The following LIMK2 variants were observed in gnomAD, a reference collection of about 807,000 sequenced individuals.
LIMK2 encodes LIM domain kinase 2.
In LIMK2, 35 loss-of-function variants were observed where a neutral mutation model predicts 75.7. The ratio of observed to expected loss-of-function variants is 0.46; its 90% CI spans 0.35 to 0.61. The LOEUF is 0.61. LIMK2 is among the 20% of genes least tolerant of loss of function. The probability of loss-of-function intolerance (pLI) is 0.00; values close to 1 mark genes in which losing one functional copy is unlikely to be tolerated. For synonymous variants in LIMK2, 301 were observed against 319.2 expected, an observed-to-expected ratio of 0.94 and a Z score of 0.61; for missense variants, 623 against 831.0, an observed-to-expected ratio of 0.75 and a Z score of 3.08.
intron 2 of LIMK2, among the ~76,000 whole-genome samples, chr22:31,239,161 G>A (rs764418076): frequency 9.2e-5 from 14 of 152,340 alleles, no homozygotes; most frequent in East Asian, 1.9e-4. Context: ...GCATATACAC[G>A]GCCAACTGTA....
chr22:31,225,850 G>A, intron 2 of LIMK2, 31 bp downstream of exon 2: 3 of 1,473,064 alleles, frequency 2.0e-6, no homozygotes, highest in Non-Finnish European at 2.8e-6. Context: ...ATCTTTACCA[G>A]TGTACTATGG....
chr22:31,236,343 T>G (rs893960895), intron 2 of LIMK2, among the ~76,000 whole-genome samples: 3 of 145,846 alleles, frequency 2.1e-5, no homozygotes, highest in African/African-American at 7.6e-5. Flanking sequence ...GTGCAGGGCT[T>G]ACACTTATAA....
chr22:31,222,372 CTTTTTTTT>C (rs3068235), intron 1 of LIMK2, among the ~76,000 whole-genome samples: 2 of 55,198 alleles, frequency 3.6e-5, no homozygotes, highest in South Asian at 8.7e-4. Context: ...TGCCCAGCCT[CTTTTTTTT>C]TTTTTTTTTT....
At chr22:31,259,837 G>T in intron 4 of LIMK2, 52 bp from the exon 5 acceptor site, 1 of 1,515,046 alleles carries the variant, frequency 6.6e-7, no homozygotes, top group Non-Finnish European at 8.9e-7. Flanking sequence ...GTTGCTGGGG[G>T]GCTTCTGTGT....
At chr22:31,277,880 G>T (rs981430725) in intron 15 of LIMK2, among the ~76,000 whole-genome samples, 3 of 152,188 alleles carry the variant, frequency 2.0e-5, no homozygotes, top group African/African-American at 7.2e-5. Context: ...GGTCGTCAGA[G>T]CAGGCCTCAC....
intron 5 of LIMK2, among the ~76,000 whole-genome samples, chr22:31,261,213 C>T (rs1420222041): frequency 3.9e-5 from 6 of 152,036 alleles, no homozygotes; most frequent in Non-Finnish European, 7.4e-5. Flanking sequence ...GTAATGCCAG[C>T]ACTTTGGGAG....
intron 7 of LIMK2, among the ~76,000 whole-genome samples, chr22:31,263,186 T>TG (rs1343983790): frequency 3.3e-5 from 5 of 151,914 alleles, no homozygotes; most frequent in African/African-American, 1.2e-4. Flanking sequence ...TGAATGAACG[T>TG]TTTTTTTAGA....
intron 15 of LIMK2, among the ~76,000 whole-genome samples, chr22:31,276,468 C>T (rs1402192990): frequency 6.9e-6 from 1 of 144,986 alleles, no homozygotes; most frequent in African/African-American, 2.5e-5. Context: ...GCGGCAGCCC[C>T]GGCGGCGGCC....
chr22:31,279,270 T>C lies in LIMK2; in HGVS notation c.*829T>C, dbSNP rs2049062730. 1 of 152,274 alleles carries C rather than the reference T, an allele frequency of 6.6e-6. No individual in the cohort carries two copies. Among genetic ancestry groups the C allele is most frequent in the Non-Finnish European group, 1.5e-5 (1 of 68,070 alleles). 9.4% of individuals were successfully genotyped at this position (152,274 alleles called of 1,614,324 possible). ...CTCAGATCTTGGCTTCTGTTACTCA[T>C]ACTCGGGTGGGCTCCTTAGTCAGAT... is the stretch of plus-strand genomic sequence containing the variant. On this transcript the variant is annotated 3_prime_UTR_variant, in exon 16 of 16. Coordinates refer to ENST00000331728, the MANE Select transcript of LIMK2 (RefSeq NM_005569.4).
chr22:31,234,665 G>A (rs531049980), intron 2 of LIMK2, among the ~76,000 whole-genome samples: 1 of 144,260 alleles, frequency 6.9e-6, no homozygotes, highest in South Asian at 2.2e-4. Context: ...AGGTTGCAGT[G>A]AGCCCAGATC....
chr22:31,252,522 C>T (rs2123821958), intron 2 of LIMK2, among the ~76,000 whole-genome samples: 1 of 143,090 alleles, frequency 7.0e-6, no homozygotes, highest in South Asian at 2.2e-4. Context: ...GCCTGGGTGA[C>T]AGAGTAAGAC....
chr22:31,230,946 C>T (rs976395782), intron 2 of LIMK2, among the ~76,000 whole-genome samples: 2 of 152,164 alleles, frequency 1.3e-5, no homozygotes, highest in African/African-American at 2.4e-5. Flanking sequence ...CCTGAGCATA[C>T]GACATGCATA....
intron 7 of LIMK2, among the ~76,000 whole-genome samples, chr22:31,265,731 C>G (rs142914960): frequency 6.6e-6 from 1 of 152,216 alleles, no homozygotes; most frequent in African/African-American, 2.4e-5. Flanking sequence ...ATGCAGAGTT[C>G]CCATTTTGAA....
chr22:31,259,837 G>A (rs2048819756), intron 4 of LIMK2, 52 bp from the exon 5 acceptor site: 7 of 1,515,046 alleles, frequency 4.6e-6, no homozygotes, highest in Non-Finnish European at 6.2e-6. Context: ...GTTGCTGGGG[G>A]GCTTCTGTGT....
intron 5 of LIMK2, among the ~76,000 whole-genome samples, chr22:31,260,387 C>T (rs1489493340): frequency 6.6e-6 from 1 of 152,224 alleles, no homozygotes; most frequent in Non-Finnish European, 1.5e-5. Flanking sequence ...TCTATCCCCT[C>T]CACTAGAATG....
intron 1 of LIMK2, 106 bp from the exon 2 acceptor site, chr22:31,225,614 C>G (rs1662535361): frequency 3.7e-6 from 3 of 809,902 alleles, no homozygotes; most frequent in Non-Finnish European, 6.2e-6. Flanking sequence ...TGGCCTAACC[C>G]TTTCAAATGA....
chr22:31,267,968 C>CA, intron 10 of LIMK2, 61 bp downstream of exon 10: 2 of 1,570,832 alleles, frequency 1.3e-6, no homozygotes, highest in Non-Finnish European at 1.7e-6. Flanking sequence ...CCTATGCTAT[C>CA]ACTACCCTAG....
intron 2 of LIMK2, among the ~76,000 whole-genome samples, chr22:31,233,937 T>C (rs1352928363): frequency 1.3e-5 from 2 of 152,188 alleles, no homozygotes; most frequent in Admixed American, 1.3e-4. Flanking sequence ...ATGTCTGCAA[T>C]AGCCTCATCT....
chr22:31,248,715 A>T, intron 2 of LIMK2: 1 of 1,614,134 alleles, frequency 6.2e-7, no homozygotes, highest in South Asian at 1.1e-5. Flanking sequence ...TGTGGGAAGA[A>T]GATGGGGAGT....
Sources: allele counts gnomAD v4.1 joint callset (sites outside exome capture counted in the v4.1 genomes callset), GRCh38; gene constraint gnomAD v4.1.1; transcripts MANE v1.5; gene names NCBI Gene and HGNC (gene_info 2026-07-23, HGNC 2026-07-21).